Variants in ZKSCAN7 observed in about 807,000 individuals in gnomAD.
ZKSCAN7 encodes zinc finger with KRAB and SCAN domains 7, also known as zinc finger protein with KRAB and SCAN domains 7.
ZKSCAN7 carries 38 observed loss-of-function variants against 65.3 expected under a neutral mutation model. The observed-to-expected ratio is 0.58, with a 90% CI of 0.45 to 0.76. The LOEUF (loss-of-function observed/expected upper bound fraction) is 0.76. Ranked by LOEUF, ZKSCAN7 falls within the 30% of genes least tolerant of loss-of-function variation. The pLI is 0.00. For missense variants in ZKSCAN7, 815 were observed against 913.3 expected, an observed-to-expected ratio of 0.89 and a Z score of 1.39; for synonymous variants, 321 against 321.0, an observed-to-expected ratio of 1.00 and a Z score of 0.00.
At chr3:44,581,044 C>T (rs1449853937) in intron 5 of ZKSCAN7, 11 of 1,530,674 alleles carry the variant, frequency 7.2e-6, no homozygotes, top group Admixed American at 2.0e-5. Context: ...GCGGCGGCGG[C>T]GGCGGCGCAG....
At position 44,557,162 on chromosome 3, in the gene ZKSCAN7, G is replaced by A. The variant is rs755490593; in HGVS notation, c.115G>A (p.Gly39Ser). The A allele has an allele frequency of 1.2e-6, 2 of 1,614,234 alleles. No individual in the cohort carries two copies. The highest frequency in any genetic ancestry group is 1.7e-6 in the Non-Finnish European group (2 of 1,180,050). The part of the protein sequence containing the change: ...QEPANQTWGQ[G>S]SSLQKNYPPV... ...GCCAGCAAACCAGACCTGGGGGCAG[G>A]GCAGCAGTCTCCAGAAGAACTATCC... The change falls in exon 2 of 6, where the codon GGC becomes AGC. Residue 39 changes from glycine to serine, a missense_variant. Transcript: ENST00000426540.
chr3:44,578,246 G>A, intron 5 of ZKSCAN7: 1 of 1,553,658 alleles, frequency 6.4e-7, no homozygotes, highest in Admixed American at 1.7e-5. Context: ...GTCCCACAGT[G>A]CTGTCTGCAG....
chr3:44,569,541 C>A (rs370242958), intron 5 of ZKSCAN7, among the ~76,000 whole-genome samples: 1 of 152,278 alleles, frequency 6.6e-6, no homozygotes. Flanking sequence ...AACAATGGAA[C>A]CATGCAATGT....
chr3:44,579,353 C>T lies in ZKSCAN7; in HGVS notation c.812-3619C>T, dbSNP rs575120232. On this transcript the variant is annotated intron_variant, in intron 5 of 5. Transcript: ENST00000341840. ...GTGGGTGTCAGCAGGCCCCACACCGCCCACCCGCTCCTGATTCAGGGCCTG... is the reference window on the plus strand; with the variant it reads ...GTGGGTGTCAGCAGGCCCCACACCGTCCACCCGCTCCTGATTCAGGGCCTG... Among the ~76,000 whole-genome samples the T allele has an allele frequency of 3.6e-4, 55 of 152,340 alleles. 2 individuals are homozygous for T. The highest frequency in any genetic ancestry group is 3.3e-3 in the Admixed American group (51 of 15,310).
intron 5 of ZKSCAN7, chr3:44,582,833 C>G (rs943077925): frequency 9.0e-6 from 3 of 332,006 alleles, no homozygotes; most frequent in African/African-American, 6.6e-5. Flanking sequence ...CCCCACCCAC[C>G]CAAATGAAAG....
chr3:44,564,086 A>G (rs1035849670), intron 2 of ZKSCAN7, among the ~76,000 whole-genome samples: 2 of 152,226 alleles, frequency 1.3e-5, no homozygotes, highest in Admixed American at 6.5e-5. Context: ...ATGCTGTGCT[A>G]TGTACATACC....
chr3:44,583,393 T>G (rs920848466), exon 6 of ZKSCAN7: 1 of 152,760 alleles, frequency 6.5e-6, no homozygotes, highest in African/African-American at 2.4e-5. Flanking sequence ...GCCACCTACA[T>G]GAGCCAATGG....
chr3:44,580,159 G>T (rs1291433618), intron 5 of ZKSCAN7: 3 of 1,610,956 alleles, frequency 1.9e-6, no homozygotes, highest in Non-Finnish European at 2.5e-6. Flanking sequence ...GGGGTGCTGG[G>T]GCTGGGAGGG....
chr3:44,573,532 G>T (rs1164715047), downstream of ZKSCAN7, among the ~76,000 whole-genome samples: 1 of 152,152 alleles, frequency 6.6e-6, no homozygotes, highest in East Asian at 1.9e-4. Flanking sequence ...CTGAAAATTT[G>T]CCACTTATGA....
chr3:44,565,387 T>G, intron 2 of ZKSCAN7, 100 bp from the exon 3 acceptor site: 1 of 1,274,824 alleles, frequency 7.8e-7, no homozygotes, highest in South Asian at 1.8e-5. Flanking sequence ...CTGGCTCTTC[T>G]TTTCCCTGGC....
At chr3:44,567,779 C>T in intron 3 of ZKSCAN7, 133 bp from the exon 4 acceptor site, 2 of 565,932 alleles carry the variant, frequency 3.5e-6, no homozygotes, top group Non-Finnish European at 6.4e-6. Context: ...TGGGATAATG[C>T]CTTATGGAAG....
rs558321958 is a variant in ZKSCAN7, at chr3:44,581,193, C to T, written c.812-1779C>T. Among the ~76,000 whole-genome samples the T allele has an allele frequency of 2.7e-3, 398 of 147,128 alleles. 1 individual carries two copies. The highest frequency in any genetic ancestry group is 9.4e-3 in the African/African-American group (384 of 41,038). Reference sequence around the variant, plus strand: ...TGCACGCGCCGAGGCTCCTGAGCCGCCCGGGCCTCACAGCGCGCGCGACGC... The same window carrying T: ...TGCACGCGCCGAGGCTCCTGAGCCGTCCGGGCCTCACAGCGCGCGCGACGC... On this transcript the variant is annotated intron_variant, in intron 5 of 5. Coordinates refer to the ZKSCAN7 transcript ENST00000341840.
In ZKSCAN7 at chr3:44,570,470, C is replaced by T. The variant is rs1411601005; in HGVS notation, c.1360C>T (p.Leu454Phe). Reference protein sequence around the residue: ...CGKAYRHSSHLIQHQRLHNGE... With the variant: ...CGKAYRHSSHFIQHQRLHNGE... The stretch of plus-strand genomic sequence containing the variant: ...AAAGGCCTATAGGCACAGCTCCCAT[C>T]TCATTCAACACCAGAGACTCCATAA... Residue 454 changes from leucine to phenylalanine, a missense_variant, in exon 6 of 6, where the codon CTC becomes TTC. Coordinates refer to ENST00000426540, the MANE Select transcript of ZKSCAN7 (RefSeq NM_001288590.2). The T allele has an allele frequency of 6.2e-7, 1 of 1,614,164 alleles. No individual in the cohort carries two copies. The highest frequency in any genetic ancestry group is 8.5e-7 in the Non-Finnish European group (1 of 1,180,016).
intron 5 of ZKSCAN7, among the ~76,000 whole-genome samples, chr3:44,579,782 T>C (rs1308164304): frequency 6.6e-6 from 1 of 152,218 alleles, no homozygotes; most frequent in South Asian, 2.1e-4. Flanking sequence ...TGAATCCCTG[T>C]AGTATCTCAG....
chr3:44,557,570 C>G, intron 2 of ZKSCAN7, 100 bp downstream of exon 2: 1 of 1,540,506 alleles, frequency 6.5e-7, no homozygotes. Flanking sequence ...GGCCAGTTTG[C>G]CTTTAGGGTT....
intron 5 of ZKSCAN7, chr3:44,582,917 TG>T: frequency 7.1e-6 from 1 of 140,670 alleles, no homozygotes; most frequent in Admixed American, 1.1e-4. Flanking sequence ...CGTGTGTGTG[TG>T]TGTGTGTGTG....
At chr3:44,567,364 T>C (rs1331160319) in intron 3 of ZKSCAN7, among the ~76,000 whole-genome samples, 1 of 152,096 alleles carries the variant, frequency 6.6e-6, no homozygotes, top group Non-Finnish European at 1.5e-5. Context: ...GCCTAGAACA[T>C]CCATCCATTC....
In ZKSCAN7 at chr3:44,564,090, A is replaced by G. The variant is rs186247827; in HGVS notation, c.424-1397A>G. 1.6e-3 allele frequency among the ~76,000 whole-genome samples: 240 copies of G among 152,364 alleles called. 2 individuals are homozygous for G. The highest frequency in any genetic ancestry group is 5.6e-3 in the African/African-American group (234 of 41,590). On this transcript the variant is annotated intron_variant, in intron 2 of 5. Coordinates refer to ENST00000426540, the MANE Select transcript of ZKSCAN7 (RefSeq NM_001288590.2). ...ATTTTTACCTCATGCTGTGCTATGT[A>G]CATACCAGAGCAAGTGAACTTTAAA...
rs571745015 is a variant in ZKSCAN7, at chr3:44,580,711, C to T, written c.812-2261C>T. Reference sequence around the variant, plus strand: ...CCCGTGCGGCCCTCCCCATCCACCACATCTGTGCACTGGTTCATGTTGATG... The same window carrying T: ...CCCGTGCGGCCCTCCCCATCCACCATATCTGTGCACTGGTTCATGTTGATG... On this transcript the variant is annotated intron_variant, in intron 5 of 5. Transcript: ENST00000341840. 3.3e-5 allele frequency: 54 copies of T among 1,614,004 alleles called. No individual in the cohort carries two copies. The African/African-American group carries it at 6.7e-4, about 20-fold the overall frequency.
Sources: gnomAD v4.1 joint callset for allele counts (sites outside exome capture counted in the v4.1 genomes callset) on GRCh38, gnomAD v4.1.1 for gene constraint, MANE v1.5 for transcripts, NCBI Gene and HGNC (gene_info 2026-07-23, HGNC 2026-07-21) for gene names.